The following KDM2A variants were observed in gnomAD, a reference collection of about 807,000 sequenced individuals.
KDM2A encodes lysine-specific demethylase 2A.
In KDM2A, 3 loss-of-function variants were observed where a neutral mutation model predicts 137.3. That is an observed-to-expected ratio of 0.02 (90% CI 0.01 to 0.06). The LOEUF (loss-of-function observed/expected upper bound fraction) is 0.06, where lower values mean the gene tolerates loss of function less well. KDM2A is among the 10% of genes least tolerant of loss of function. The pLI, the probability that KDM2A is intolerant of heterozygous loss-of-function variation, is 1.00. For synonymous variants in KDM2A, 512 were observed against 541.5 expected, an observed-to-expected ratio of 0.95 and a Z score of 0.76; for missense variants, 738 against 1,510.6, an observed-to-expected ratio of 0.49 and a Z score of 8.48.
chr11:67,196,805 A>G (rs942857934), intron 5 of KDM2A: 3 of 207,902 alleles, frequency 1.4e-5, no homozygotes, highest in African/African-American at 7.1e-5. Context: ...GTTGCACAAC[A>G]TTGTGAATAT....
chr11:67,193,784 C>T (rs939507901), intron 5 of KDM2A, among the ~76,000 whole-genome samples: 3 of 152,170 alleles, frequency 2.0e-5, no homozygotes, highest in Admixed American at 6.5e-5. Context: ...CTGCTTGAAC[C>T]CAGGAGCGGG....
chr11:67,157,845 G>C (rs2136313789), intron 2 of KDM2A, among the ~76,000 whole-genome samples: 1 of 152,062 alleles, frequency 6.6e-6, no homozygotes, highest in African/African-American at 2.4e-5. Context: ...GGTACCTGTA[G>C]TCTCAGCTAC....
chr11:67,222,892 T>A (rs1858407365), intron 10 of KDM2A, among the ~76,000 whole-genome samples: 9 of 136,482 alleles, frequency 6.6e-5, no homozygotes, highest in Admixed American at 1.5e-4. Context: ...AGAAGAAAAA[T>A]AAGGGGGAAA....
chr11:67,215,109 T>C (rs1333315449), intron 6 of KDM2A, among the ~76,000 whole-genome samples: 1 of 152,198 alleles, frequency 6.6e-6, no homozygotes, highest in African/African-American at 2.4e-5. Context: ...AGTGCTGTCT[T>C]TACTATTATC....
intron 15 of KDM2A, among the ~76,000 whole-genome samples, chr11:67,246,418 G>A (rs1006779720): frequency 1.3e-5 from 2 of 152,102 alleles, no homozygotes; most frequent in Admixed American, 6.5e-5. Context: ...ACTGCATGGT[G>A]TGTTTTGGGA....
rs1859165140 is a variant in KDM2A at position 67,245,100 on chromosome 11, C to T, written c.1564-89C>T. On this transcript the variant is annotated intron_variant, in intron 13 of 20. Coordinates refer to ENST00000529006, the MANE Select transcript of KDM2A (RefSeq NM_012308.3). This position sits in a 1 kb window ranked among gnomAD's most constrained non-coding sequence, Gnocchi z 4.1. ...AGATCTGGCCATAGTGGGCCAAGCCCCAGGCTAGGTATGCTACCATGTAAT... is the reference window on the plus strand; with the variant it reads ...AGATCTGGCCATAGTGGGCCAAGCCTCAGGCTAGGTATGCTACCATGTAAT... 1.0e-5 allele frequency: 15 copies of T among 1,472,154 alleles called. No individual in the cohort carries two copies. In the South Asian group the frequency reaches 1.6e-4, roughly 16 times the overall value. The allele number at this position is 1,472,154 out of a possible 1,614,324, so 91.2% of individuals were successfully genotyped here.
rs769253892 is a variant in KDM2A at position 67,254,946 on chromosome 11, G to A, written c.3380G>A (p.Arg1127Gln). The A allele has an allele frequency of 6.2e-7, 1 of 1,613,850 alleles. No individual in the cohort carries two copies. Among genetic ancestry groups the A allele is most frequent in the Admixed American group, 1.7e-5 (1 of 60,004 alleles). Residue 1127 changes from arginine (R) to glutamine (Q), a missense_variant, in exon 21 of 21, where the codon CGA (arginine) becomes CAA (glutamine). By Grantham distance (43) the Arg-to-Gln change is conservative (BLOSUM62 1). This residue lies in a region of KDM2A where 166 missense variants were observed against 324.0 expected (regional missense o/e 0.51). Transcript: ENST00000529006. The surrounding 1 kb of genome is among the most constrained non-coding windows in gnomAD (Gnocchi z 4.7). ...GCCAACGTCACCTTGATCGACCTTC[G>A]AGGATGCAAGCAGATCACTCGAAAA... Reference protein sequence around the residue: ...RIANVTLIDLRGCKQITRKAC... With the variant: ...RIANVTLIDLQGCKQITRKAC...
chr11:67,122,454 G>T (rs372380873), intron 2 of KDM2A, among the ~76,000 whole-genome samples: 107 of 152,078 alleles, frequency 7.0e-4, no homozygotes, highest in African/African-American at 2.4e-3. Context: ...AGCCTTGCAA[G>T]TAGCTGGGAC....
chr11:67,226,791 C>T (rs898953510), intron 10 of KDM2A, among the ~76,000 whole-genome samples: 9 of 152,008 alleles, frequency 5.9e-5, no homozygotes, highest in Non-Finnish European at 7.4e-5. Context: ...ATTAAATGAG[C>T]ACTGGCCGCG....
At chr11:67,213,956 G>A (rs925436671) in intron 6 of KDM2A, among the ~76,000 whole-genome samples, 2 of 151,914 alleles carry the variant, frequency 1.3e-5, no homozygotes, top group African/African-American at 4.8e-5. Context: ...TCAACCTCCT[G>A]GGTTTAAGCA....
At chr11:67,149,347 G>A (rs944578143) in intron 2 of KDM2A, 4 of 152,018 alleles carry the variant, frequency 2.6e-5, no homozygotes, top group Non-Finnish European at 4.4e-5. Flanking sequence ...GGATTTAATG[G>A]GATAATGAAT....
intron 5 of KDM2A, among the ~76,000 whole-genome samples, chr11:67,193,056 C>T (rs1008541076): frequency 6.6e-6 from 1 of 152,164 alleles, no homozygotes; most frequent in Non-Finnish European, 1.5e-5. Flanking sequence ...GTGCCGCGAT[C>T]TCGGCTTACT....
intron 12 of KDM2A, chr11:67,240,082 C>CGCA (rs1858982437): frequency 1.5e-6 from 2 of 1,344,976 alleles, no homozygotes; most frequent in Non-Finnish European, 1.9e-6. Flanking sequence ...ATGTGGGTGA[C>CGCA]GCAGCAGCAT....
chr11:67,145,332 C>G (rs1298877856), intron 2 of KDM2A, among the ~76,000 whole-genome samples: 1 of 151,582 alleles, frequency 6.6e-6, no homozygotes, highest in Non-Finnish European at 1.5e-5. Flanking sequence ...AAAACACACA[C>G]ACACAAAATT....
At chr11:67,143,020 CTTTTTTT>C (rs1194089199) in intron 2 of KDM2A, among the ~76,000 whole-genome samples, 2 of 126,442 alleles carry the variant, frequency 1.6e-5, no homozygotes, top group Non-Finnish European at 3.3e-5. Context: ...TATATCTATT[CTTTTTTT>C]TTTTTTTTTT....
chr11:67,245,743 CG>C lies in KDM2A; in HGVS notation c.1834-238del. ...CCTCTTCAGGTAGATTAGAAAGGAC[CG>C]GGGAGGCCAAGTATAGGCCAACTGA... On this transcript the variant is annotated intron_variant, in intron 14 of 20. Transcript: ENST00000529006. The surrounding 1 kb of genome is among the most constrained non-coding windows in gnomAD (Gnocchi z 4.1). 1 of 598,878 alleles carries C rather than the reference CG, an allele frequency of 1.7e-6. No individual in the cohort carries two copies. The highest frequency in any genetic ancestry group is 2.9e-5 in the East Asian group (1 of 34,652). The allele number at this position is 598,878 out of a possible 1,614,324, so 37.1% of individuals were successfully genotyped here.
chr11:67,193,429 A>G (rs1857403699), intron 5 of KDM2A, among the ~76,000 whole-genome samples: 1 of 152,204 alleles, frequency 6.6e-6, no homozygotes, highest in Non-Finnish European at 1.5e-5. Context: ...TTAAACTTTC[A>G]TGTTCCCTTT....
chr11:67,146,672 C>A (rs1856255075), intron 2 of KDM2A, among the ~76,000 whole-genome samples: 1 of 152,026 alleles, frequency 6.6e-6, no homozygotes, highest in Admixed American at 6.6e-5. Context: ...CTACACCTGG[C>A]TAATTTTTTG....
At chr11:67,207,904 GTC>G (rs1857859040) in intron 6 of KDM2A, among the ~76,000 whole-genome samples, 1 of 152,096 alleles carries the variant, frequency 6.6e-6, no homozygotes, top group African/African-American at 2.4e-5. Flanking sequence ...GATGGCACAT[GTC>G]TGTAGTTCCA....
Sources: gnomAD v4.1 joint callset for allele counts (sites outside exome capture counted in the v4.1 genomes callset) on GRCh38, gnomAD v4.1.1 for gene constraint, gnomAD v4.1.1 regional missense constraint, Gnocchi (gnomAD v3.1) non-coding constraint, MANE v1.5 for transcripts, NCBI Gene and HGNC (gene_info 2026-07-23, HGNC 2026-07-21) for gene names.